The following GAN variants were observed in gnomAD, a reference collection of about 807,000 sequenced individuals.
GAN encodes gigaxonin.
Under a neutral mutation model 71.3 loss-of-function variants are expected in GAN, and 48 were observed. That is an observed-to-expected ratio of 0.67 (90% CI 0.53 to 0.86). The LOEUF (loss-of-function observed/expected upper bound fraction) is 0.86, where lower values mean the gene tolerates loss of function less well. GAN is among the 40% of genes least tolerant of loss of function. GAN has a pLI of 0.00. For synonymous variants in GAN, 386 were observed against 276.8 expected (o/e 1.39, Z -3.92); for missense variants, 928 against 770.1 (o/e 1.21, Z -2.43).
chr16:81,376,359 G>C (rs1179582934), intron 9 of GAN, among the ~76,000 whole-genome samples: 1 of 151,930 alleles, frequency 6.6e-6, no homozygotes, highest in Non-Finnish European at 1.5e-5. Flanking sequence ...TGTGGCTTAC[G>C]CCTGTTATAC....
At chr16:81,343,416 A>C (rs1482543451) in intron 1 of GAN, among the ~76,000 whole-genome samples, 8 of 152,222 alleles carry the variant, frequency 5.3e-5, no homozygotes, top group Non-Finnish European at 2.9e-5. Context: ...AAGCTTATCC[A>C]CCACGATCAA....
intron 1 of GAN, among the ~76,000 whole-genome samples, chr16:81,337,247 G>A (rs1206109875): frequency 6.6e-6 from 1 of 152,140 alleles, no homozygotes. Flanking sequence ...CTCAGGGTCC[G>A]TTCCTGATAG....
Position 81,389,611 on chromosome 16 carries a change from C to A in GAN, c.*12015C>A, listed in dbSNP as rs1454196661. 2 of 152,204 alleles carry A rather than the reference C, an allele frequency of 1.3e-5. No homozygotes were observed. The highest frequency in any genetic ancestry group is 4.8e-5 in the African/African-American group (2 of 41,446). 9.4% of individuals were successfully genotyped at this position (152,204 alleles called of 1,614,324 possible). A position where few individuals can be genotyped will look rare whatever the true frequency, so the allele number is the denominator to read the frequency against. Reference sequence around the variant, plus strand: ...TGTCTGTACCTATCTGTGAGTGAGACCCATTCATGACACACTAGAAATGTG... The same window carrying A: ...TGTCTGTACCTATCTGTGAGTGAGAACCATTCATGACACACTAGAAATGTG... On this transcript the variant is annotated 3_prime_UTR_variant, in exon 11 of 11. Coordinates refer to ENST00000648994, the MANE Select transcript of GAN (RefSeq NM_022041.4).
At chr16:81,343,195 AGAG>A (rs1373058733) in intron 1 of GAN, among the ~76,000 whole-genome samples, 1 of 150,456 alleles carries the variant, frequency 6.6e-6, no homozygotes, top group Non-Finnish European at 1.5e-5. Flanking sequence ...AGTTCTATAA[AGAG>A]GAGCTGGTAC....
At chr16:81,374,736 G>A (rs1416684427) in intron 9 of GAN, among the ~76,000 whole-genome samples, 11 of 152,088 alleles carry the variant, frequency 7.2e-5, no homozygotes, top group Admixed American at 2.6e-4. Flanking sequence ...TATCTGGCAC[G>A]ACAGGATGCC....
rs1904301344 is a variant in GAN, at chr16:81,380,848, C to T, written c.*3252C>T. ...AGTTGGTATACTGTCAGGATTTGGC[C>T]TAAGAAATTTCTGAATGCATTGTTT... On this transcript the variant is annotated 3_prime_UTR_variant, in exon 11 of 11. Coordinates refer to ENST00000648994, the MANE Select transcript of GAN (RefSeq NM_022041.4). 6.6e-6 allele frequency: 1 copy of T among 152,124 alleles called. No homozygotes were observed. Among genetic ancestry groups the T allele is most frequent in the African/African-American group, 2.4e-5 (1 of 41,418 alleles). The allele number at this position is 152,124 out of a possible 1,614,324, so 9.4% of individuals were successfully genotyped here. A position where few individuals can be genotyped will look rare whatever the true frequency, so the allele number is the denominator to read the frequency against.
chr16:81,343,656 A>G (rs4889309), intron 1 of GAN, among the ~76,000 whole-genome samples: 80,360 of 151,980 alleles, frequency 0.53, 21,615 homozygotes, highest in East Asian at 0.77. Context: ...CCCAGAGCCA[A>G]TATCATCCTG....
chr16:81,368,540 G>A (rs1250828456), intron 9 of GAN, among the ~76,000 whole-genome samples: 1 of 152,212 alleles, frequency 6.6e-6, no homozygotes, highest in African/African-American at 2.4e-5. Flanking sequence ...CTGGGAAGTG[G>A]TGGAAGCTGC....
At chr16:81,348,978 T>A (rs879017313) in intron 1 of GAN, among the ~76,000 whole-genome samples, 2 of 152,170 alleles carry the variant, frequency 1.3e-5, no homozygotes, top group Admixed American at 6.5e-5. Flanking sequence ...ACAATACACC[T>A]ACCCTCAAAT....
chr16:81,338,158 G>T (rs1167379050), intron 1 of GAN, among the ~76,000 whole-genome samples: 1 of 152,154 alleles, frequency 6.6e-6, no homozygotes, highest in Non-Finnish European at 1.5e-5. Flanking sequence ...GAACACCTGA[G>T]ATCCATTTTT....
intron 5 of GAN, among the ~76,000 whole-genome samples, chr16:81,360,395 G>T (rs1910635543): frequency 6.6e-6 from 1 of 152,054 alleles, no homozygotes; most frequent in South Asian, 2.1e-4. Context: ...ACTGACTTCT[G>T]CCTTCCATTG....
chr16:81,377,923 AT>A lies in GAN; in HGVS notation c.*331del. ...TATCAAAGTTAAAATACTAAGGTGC[AT>A]TTTCCCTGAAGGGAACTCATGTCTG... On this transcript the variant is annotated 3_prime_UTR_variant, in exon 11 of 11. Coordinates refer to ENST00000648994, the MANE Select transcript of GAN (RefSeq NM_022041.4). 1 of 364,026 alleles carries A rather than the reference AT, an allele frequency of 2.7e-6. No homozygotes were observed. The highest frequency in any genetic ancestry group is 5.2e-6 in the Non-Finnish European group (1 of 192,560). The allele number at this position is 364,026 out of a possible 1,614,324, so 22.5% of individuals were successfully genotyped here. A position where few individuals can be genotyped will look rare whatever the true frequency, so the allele number is the denominator to read the frequency against.
chr16:81,372,785 G>A (rs1012209806), intron 9 of GAN, among the ~76,000 whole-genome samples: 2 of 152,238 alleles, frequency 1.3e-5, no homozygotes, highest in African/African-American at 4.8e-5. Flanking sequence ...GACGTGAAAT[G>A]TGAATAAACC....
chr16:81,383,660 A>G lies in GAN; in HGVS notation c.*6064A>G, dbSNP rs1338464578. On this transcript the variant is annotated 3_prime_UTR_variant, in exon 11 of 11. Transcript: ENST00000648994. ...GATAATAATTTCTTCCTGGCTCAAC[A>G]AAGTTGTTGAGCTTCCTTCTGTGCA... 1 of 152,030 alleles carries G rather than the reference A, an allele frequency of 6.6e-6. No homozygotes were observed. Among genetic ancestry groups the G allele is most frequent in the Non-Finnish European group, 1.5e-5 (1 of 68,018 alleles). The allele number at this position is 152,030 out of a possible 1,614,324, so 9.4% of individuals were successfully genotyped here.
chr16:81,349,370 T>C (rs943748920), intron 1 of GAN, among the ~76,000 whole-genome samples: 1 of 152,186 alleles, frequency 6.6e-6, no homozygotes, highest in African/African-American at 2.4e-5. Context: ...TTTCATTGGC[T>C]GGGTGCGGTG....
At chr16:81,327,931 G>A (rs780610410) in intron 1 of GAN, among the ~76,000 whole-genome samples, 19 of 152,180 alleles carry the variant, frequency 1.2e-4, no homozygotes, top group African/African-American at 3.1e-4. Context: ...GTTGTGGCAC[G>A]AATGCCTTCC....
intron 1 of GAN, among the ~76,000 whole-genome samples, chr16:81,331,679 G>A (rs970057939): frequency 4.6e-5 from 7 of 152,084 alleles, no homozygotes; most frequent in African/African-American, 1.2e-4. Context: ...GCTGCACCCC[G>A]CTCTCTAGCT....
intron 1 of GAN, among the ~76,000 whole-genome samples, chr16:81,340,891 T>C (rs1174351130): frequency 2.0e-5 from 3 of 151,784 alleles, no homozygotes; most frequent in Non-Finnish European, 2.9e-5. Context: ...TCGAAAAGCG[T>C]TCAAAAAGGG....
chr16:81,356,648 C>G, intron 3 of GAN, 137 bp from the exon 4 acceptor site: 1 of 753,200 alleles, frequency 1.3e-6, no homozygotes, highest in South Asian at 1.4e-5. Context: ...ATTCAAGCAG[C>G]ACGAGTGTGT....
Sources: allele counts gnomAD v4.1 joint callset (sites outside exome capture counted in the v4.1 genomes callset), GRCh38; gene constraint gnomAD v4.1.1; transcripts MANE v1.5; gene names NCBI Gene and HGNC (gene_info 2026-07-23, HGNC 2026-07-21).